WT1: variants seen among roughly 807,000 people sequenced by gnomAD.
WT1 encodes WT1 transcription factor.
In WT1, 8 loss-of-function variants were observed where a neutral mutation model predicts 60.8. The ratio of observed to expected loss-of-function variants is 0.13; its 90% CI spans 0.08 to 0.24. WT1 has a LOEUF of 0.24. Ranked by LOEUF, WT1 falls within the 10% of genes least tolerant of loss-of-function variation. WT1 has a pLI of 1.00. For missense variants in WT1, 568 were observed against 711.8 expected, an observed-to-expected ratio of 0.80 and a Z score of 2.30; for synonymous variants, 312 against 297.1, an observed-to-expected ratio of 1.05 and a Z score of -0.52.
At chr11:32,393,240 G>A (rs940716383) in intron 7 of WT1, among the ~76,000 whole-genome samples, 3 of 152,222 alleles carry the variant, frequency 2.0e-5, no homozygotes, top group African/African-American at 7.2e-5. Context: ...AAGATCTGGT[G>A]TTCTTTGCTA....
intron 5 of WT1, among the ~76,000 whole-genome samples, chr11:32,404,792 G>C (rs907715768): frequency 6.6e-5 from 10 of 152,118 alleles, no homozygotes; most frequent in African/African-American, 2.4e-4. Flanking sequence ...AAACGGACTT[G>C]GGCACGTGTC....
chr11:32,420,180 A>T (rs780658708), intron 3 of WT1, among the ~76,000 whole-genome samples: 1 of 152,216 alleles, frequency 6.6e-6, no homozygotes, highest in African/African-American at 2.4e-5. Flanking sequence ...CAAATATGCT[A>T]TTTGAAAAAT....
chr11:32,407,045 G>A (rs979131440), intron 5 of WT1, among the ~76,000 whole-genome samples: 1 of 152,088 alleles, frequency 6.6e-6, no homozygotes. Context: ...TTTGCAGTGA[G>A]CCAAGATCGT....
intron 1 of WT1, among the ~76,000 whole-genome samples, chr11:32,431,906 C>T (rs569461357): frequency 6.6e-6 from 1 of 152,070 alleles, no homozygotes; most frequent in Non-Finnish European, 1.5e-5. Context: ...TAGAAACACC[C>T]TAGCATGGTC....
At chr11:32,410,353 C>G (rs898643899) in intron 5 of WT1, among the ~76,000 whole-genome samples, 7 of 152,220 alleles carry the variant, frequency 4.6e-5, no homozygotes, top group African/African-American at 7.2e-5. Flanking sequence ...TCCCGACCTT[C>G]TTTCCCCAGC....
Position 32,388,579 on chromosome 11 carries a change from G to C in WT1, c.*479C>G. 4.0e-6 allele frequency: 1 copy of C among 251,208 alleles called. No homozygotes were observed. The highest frequency in any genetic ancestry group is 7.8e-6 in the Non-Finnish European group (1 of 127,626). The allele number at this position is 251,208 out of a possible 1,614,324, so 15.6% of individuals were successfully genotyped here. On this transcript the variant is annotated 3_prime_UTR_variant, in exon 10 of 10. Coordinates refer to ENST00000452863, the MANE Select transcript of WT1 (RefSeq NM_024426.6). ...AGACAAGATTCACCCCCGATGCCTT[G>C]CTCTCTGATTTATTTCTTGCTGTTG... is the stretch of plus-strand genomic sequence containing the variant.
At chr11:32,408,086 G>A (rs1852373056) in intron 5 of WT1, among the ~76,000 whole-genome samples, 1 of 151,738 alleles carries the variant, frequency 6.6e-6, no homozygotes, top group Non-Finnish European at 1.5e-5. Context: ...AGCTGGGCAT[G>A]GTGGCATTTG....
At chr11:32,409,955 C>T (rs1366800347) in intron 5 of WT1, among the ~76,000 whole-genome samples, 2 of 151,538 alleles carry the variant, frequency 1.3e-5, no homozygotes, top group Non-Finnish European at 1.5e-5. Flanking sequence ...GAGACAGAGT[C>T]TTGTTCTGTT....
chr11:32,429,519 C>A (rs1315572381), intron 1 of WT1, among the ~76,000 whole-genome samples: 7 of 135,646 alleles, frequency 5.2e-5, no homozygotes, highest in African/African-American at 1.9e-4. Context: ...AAAACATAGT[C>A]TTTTATAATT....
chr11:32,427,861 C>T (rs1156271021), intron 3 of WT1, 95 bp downstream of exon 3: 2 of 1,243,162 alleles, frequency 1.6e-6, no homozygotes, highest in Non-Finnish European at 2.2e-6. Flanking sequence ...TGCCCGCAGT[C>T]AGGGCTGCCC....
intron 1 of WT1, 82 bp from the exon 2 acceptor site, chr11:32,428,701 G>GC (rs1853156876): frequency 6.4e-7 from 1 of 1,556,852 alleles, no homozygotes; most frequent in Non-Finnish European, 8.6e-7. Context: ...CCACGGGCGG[G>GC]GGGGGTGTGC....
chr11:32,425,881 C>CA (rs752386465), intron 3 of WT1, among the ~76,000 whole-genome samples: 3 of 152,216 alleles, frequency 2.0e-5, no homozygotes, highest in Admixed American at 6.5e-5. Context: ...AGTGGCCAAT[C>CA]AGAAGCTGGA....
At chr11:32,397,460 T>TGA (rs750395544) in intron 6 of WT1, among the ~76,000 whole-genome samples, 2 of 150,700 alleles carry the variant, frequency 1.3e-5, no homozygotes, top group Non-Finnish European at 2.9e-5. Flanking sequence ...GGACAACAGG[T>TGA]GAGAGTCATC....
Position 32,428,034 on chromosome 11 carries a change from G to C in WT1, c.809C>G (p.Pro270Arg). ...GGGGGTGTGGCAGCCATAGACCGGGGGCGGCACCGAGTACTGCTGCTCACC... is the reference window on the plus strand; with the variant it reads ...GGGGGTGTGGCAGCCATAGACCGGGCGCGGCACCGAGTACTGCTGCTCACC... Residue 270 changes from proline to arginine, a missense_variant, in exon 3 of 10, where the codon CCC becomes CGC. Coordinates refer to ENST00000452863, the MANE Select transcript of WT1 (RefSeq NM_024426.6). The C allele has an allele frequency of 6.2e-7, 1 of 1,609,354 alleles. No homozygotes were observed. Among genetic ancestry groups the C allele is most frequent in the Non-Finnish European group, 8.5e-7 (1 of 1,177,366 alleles).
chr11:32,394,241 T>G (rs1034018530), intron 7 of WT1, among the ~76,000 whole-genome samples: 1 of 152,160 alleles, frequency 6.6e-6, no homozygotes, highest in Admixed American at 6.5e-5. Context: ...TTCACCTCTG[T>G]GAGCTGGAGA....
Position 32,417,437 on chromosome 11 carries a change from G to A in WT1, c.965+140C>T, listed in dbSNP as rs1314731416. ...AACACAACTCACCAACTAGGGGAAGGAGGAAAGCGTTCTAATGTCACAGAG... is the reference window on the plus strand; with the variant it reads ...AACACAACTCACCAACTAGGGGAAGAAGGAAAGCGTTCTAATGTCACAGAG... On this transcript the variant is annotated intron_variant, in intron 4 of 9. Coordinates refer to ENST00000452863, the MANE Select transcript of WT1 (RefSeq NM_024426.6). 7 of 757,030 alleles carry A rather than the reference G, an allele frequency of 9.2e-6. No homozygotes were observed. In the East Asian group the frequency reaches 1.6e-4, roughly 17 times the overall value. The allele number at this position is 757,030 out of a possible 1,614,324, so 46.9% of individuals were successfully genotyped here.
chr11:32,406,178 G>A (rs1852303075), intron 5 of WT1, among the ~76,000 whole-genome samples: 1 of 152,096 alleles, frequency 6.6e-6, no homozygotes, highest in Non-Finnish European at 1.5e-5. Context: ...CCATGTTTTT[G>A]GCACCAGGGA....
intron 3 of WT1, 27 bp from the exon 4 acceptor site, chr11:32,417,681 AAC>A: frequency 6.3e-7 from 1 of 1,579,338 alleles, no homozygotes; most frequent in Non-Finnish European, 8.7e-7. Flanking sequence ...TAGAGTTAGA[AAC>A]ACATAACCAC....
chr11:32,431,585 C>T (rs910854193), intron 1 of WT1, among the ~76,000 whole-genome samples: 5 of 144,148 alleles, frequency 3.5e-5, no homozygotes, highest in African/African-American at 8.1e-5. Flanking sequence ...TATAGGCGCC[C>T]GTCACCAAGC....
Sources: allele counts gnomAD v4.1 joint callset (sites outside exome capture counted in the v4.1 genomes callset), GRCh38; gene constraint gnomAD v4.1.1; transcripts MANE v1.5; gene names NCBI Gene and HGNC (gene_info 2026-07-23, HGNC 2026-07-21).